DISP1: variants seen among roughly 807,000 people sequenced by gnomAD.
DISP1 encodes dispatched RND transporter family member 1.
A neutral mutation model predicts 37.3 loss-of-function variants in DISP1; 30 were observed. The ratio of observed to expected loss-of-function variants is 0.80; its 90% confidence interval spans 0.60 to 1.09. DISP1 has a LOEUF of 1.09. DISP1 is among the 50% of genes least tolerant of loss of function. The pLI, the probability that DISP1 is intolerant of heterozygous loss-of-function variation, is 0.00. For missense variants in DISP1, 1,598 were observed against 1,879.5 expected (o/e 0.85, Z 2.77); for synonymous variants, 634 against 690.2 (o/e 0.92, Z 1.28).
chr1:222,942,986 T>A lies in DISP1; in HGVS notation c.163T>A (p.Cys55Ser), dbSNP rs775251089. ...ATRTKVSPNG[C>S]LQLNGTVKSS... The stretch of plus-strand genomic sequence containing the variant: ...AAGAACAAAAGTGAGTCCAAATGGA[T>A]GCCTGCAACTTAATGGCACGGTCAA... The change falls in exon 3 of 9, where the codon TGC (cysteine) becomes AGC (serine). Residue 55 changes from cysteine (C) to serine (S), a missense_variant. Coordinates refer to ENST00000675850, the MANE Select transcript of DISP1 (RefSeq NM_001377229.1). 1.2e-6 allele frequency: 2 copies of A among 1,614,198 alleles called. No homozygotes were observed. Among genetic ancestry groups the A allele is most frequent in the African/African-American group, 2.7e-5 (2 of 75,052 alleles).
At chr1:222,827,063 C>A (rs138269425) in intron 1 of DISP1, among the ~76,000 whole-genome samples, 1 of 152,126 alleles carries the variant, frequency 6.6e-6, no homozygotes, top group African/African-American at 2.4e-5. Context: ...TCTCACAAGA[C>A]GTTTTCTGCC....
At chr1:222,909,080 C>G (rs758658380) in intron 1 of DISP1, among the ~76,000 whole-genome samples, 6 of 152,024 alleles carry the variant, frequency 3.9e-5, no homozygotes, top group Admixed American at 1.3e-4. Context: ...GATTCATGTT[C>G]ATTTCAGTTT....
intron 3 of DISP1, among the ~76,000 whole-genome samples, chr1:222,947,385 ATATAT>A (rs1231474648): frequency 6.6e-6 from 1 of 151,920 alleles, no homozygotes; most frequent in Non-Finnish European, 1.5e-5. Flanking sequence ...TTGTATATTT[ATATAT>A]TATATTTTAT....
Position 223,002,471 on chromosome 1 carries a change from C to G in DISP1, c.1074C>G (p.Ile358Met), listed in dbSNP as rs770022569. The G allele has an allele frequency of 1.7e-5, 27 of 1,614,012 alleles. No homozygotes were observed. In the East Asian group the frequency reaches 5.8e-4, roughly 35 times the overall value. The change falls in exon 9 of 9, where the codon ATC (isoleucine) becomes ATG (methionine). Residue 358 changes from isoleucine to methionine, a missense_variant. Ile to Met is a conservative substitution (Grantham distance 10, BLOSUM62 1). Coordinates refer to ENST00000675850, the MANE Select transcript of DISP1 (RefSeq NM_001377229.1). ...CCPSWTLGNY[I>M]AILNNRSSCQ... Reference sequence around the variant, plus strand: ...CCAGCTGGACACTGGGAAACTACATCGCCATTCTGAACAATAGATCGTCCT... The same window carrying G: ...CCAGCTGGACACTGGGAAACTACATGGCCATTCTGAACAATAGATCGTCCT...
chr1:222,976,819 G>A (rs2102669418), intron 3 of DISP1, among the ~76,000 whole-genome samples: 1 of 152,214 alleles, frequency 6.6e-6, no homozygotes, highest in South Asian at 2.1e-4. Flanking sequence ...TTATGGCTGT[G>A]AGGATAATTT....
intron 1 of DISP1, among the ~76,000 whole-genome samples, chr1:222,829,098 A>T (rs1273332456): frequency 2.6e-5 from 4 of 152,182 alleles, no homozygotes; most frequent in Non-Finnish European, 5.9e-5. Flanking sequence ...TCCAAAAAGC[A>T]CTTTTGAAAA....
intron 3 of DISP1, among the ~76,000 whole-genome samples, chr1:222,950,836 T>A (rs905459476): frequency 2.4e-4 from 36 of 152,218 alleles, no homozygotes; most frequent in Non-Finnish European, 5.9e-5. Flanking sequence ...GAAAGAGTAG[T>A]GGTATTATTG....
chr1:222,818,119 A>G (rs190851801), intron 1 of DISP1, among the ~76,000 whole-genome samples: 49 of 152,190 alleles, frequency 3.2e-4, no homozygotes, highest in African/African-American at 1.2e-3. Context: ...CCTAAGGAAT[A>G]GAAGAACTAT....
intron 1 of DISP1, among the ~76,000 whole-genome samples, chr1:222,908,637 G>A (rs1345708447): frequency 1.3e-5 from 2 of 152,086 alleles, no homozygotes; most frequent in East Asian, 3.9e-4. Flanking sequence ...CTCGTGATCT[G>A]CCCACCACGG....
intron 6 of DISP1, 65 bp downstream of exon 6, chr1:222,991,712 A>T: frequency 6.5e-7 from 1 of 1,527,710 alleles, no homozygotes; most frequent in South Asian, 1.2e-5. Flanking sequence ...TCCTCTTCAA[A>T]TACTGCCTAA....
At chr1:222,923,807 A>G (rs1672938879) in intron 1 of DISP1, among the ~76,000 whole-genome samples, 1 of 152,086 alleles carries the variant, frequency 6.6e-6, no homozygotes, top group South Asian at 2.1e-4. Context: ...ACATTTCTAA[A>G]TCTAAGAGAG....
chr1:222,981,483 T>A (rs1677835409), intron 3 of DISP1, among the ~76,000 whole-genome samples: 1 of 152,222 alleles, frequency 6.6e-6, no homozygotes, highest in African/African-American at 2.4e-5. Context: ...AGCTTGAAAT[T>A]TAGAACACAT....
chr1:222,832,174 G>A (rs1665923216), intron 1 of DISP1, among the ~76,000 whole-genome samples: 1 of 152,126 alleles, frequency 6.6e-6, no homozygotes, highest in Non-Finnish European at 1.5e-5. Flanking sequence ...GGGAGGCTGA[G>A]GCAGGAGAAT....
intron 1 of DISP1, among the ~76,000 whole-genome samples, chr1:222,839,930 C>CAA (rs113532897): frequency 0.11 from 15,917 of 145,450 alleles, 1,165 homozygotes; most frequent in South Asian, 0.17. Flanking sequence ...AAGACTGTCT[C>CAA]AAAAAAAAAA....
intron 1 of DISP1, among the ~76,000 whole-genome samples, chr1:222,859,656 A>G (rs960669157): frequency 3.3e-5 from 5 of 152,236 alleles, no homozygotes; most frequent in Non-Finnish European, 7.3e-5. Flanking sequence ...ATTTGAGACT[A>G]TCTTCCCAAA....
At chr1:222,871,877 G>T (rs1245504054) in intron 1 of DISP1, among the ~76,000 whole-genome samples, 2 of 152,122 alleles carry the variant, frequency 1.3e-5, no homozygotes, top group Admixed American at 6.6e-5. Context: ...GTTTTCAAAG[G>T]GAATACTTCC....
At chr1:222,919,997 A>G (rs1314710814) in intron 1 of DISP1, among the ~76,000 whole-genome samples, 4 of 152,206 alleles carry the variant, frequency 2.6e-5, no homozygotes, top group Admixed American at 2.6e-4. Flanking sequence ...CAATGATGAC[A>G]GGTGTTTGTA....
chr1:222,884,559 C>T (rs969488053), intron 1 of DISP1, among the ~76,000 whole-genome samples: 2 of 152,094 alleles, frequency 1.3e-5, no homozygotes, highest in African/African-American at 4.8e-5. Context: ...TATGTTTTCT[C>T]ATATTTAGAT....
At chr1:222,837,732 A>G (rs1183376306) in intron 1 of DISP1, among the ~76,000 whole-genome samples, 1 of 152,238 alleles carries the variant, frequency 6.6e-6, no homozygotes, top group African/African-American at 2.4e-5. Context: ...GTAACCAAAA[A>G]TATAATTTAT....
Sources: gnomAD v4.1 joint callset for allele counts (sites outside exome capture counted in the v4.1 genomes callset) on GRCh38, gnomAD v4.1.1 for gene constraint, MANE v1.5 for transcripts, NCBI Gene and HGNC (gene_info 2026-07-23, HGNC 2026-07-21) for gene names.